Variants in ERCC8 observed in about 807,000 individuals in gnomAD.
ERCC8 encodes the protein ERCC excision repair 8, CSA ubiquitin ligase complex subunit, also known as DNA excision repair protein ERCC-8.
Under a neutral mutation model 54.9 loss-of-function variants are expected in ERCC8, and 52 were observed. The ratio of observed to expected loss-of-function variants is 0.95; its 90% CI spans 0.76 to 1.19. The LOEUF (loss-of-function observed/expected upper bound fraction) is 1.19. Among genes scored for constraint, ERCC8 ranks in the 50% most tolerant of loss-of-function variants. The probability of loss-of-function intolerance (pLI) is 0.00; values close to 1 mark genes in which losing one functional copy is unlikely to be tolerated. For synonymous variants in ERCC8, 146 were observed against 157.2 expected (o/e 0.93, Z 0.53); for missense variants, 514 against 466.1 (o/e 1.10, Z -0.95).
chr5:60,932,905 G>A (rs1226364548), intron 1 of ERCC8, among the ~76,000 whole-genome samples: 1 of 152,114 alleles, frequency 6.6e-6, no homozygotes, highest in East Asian at 1.9e-4. Context: ...AGAAGAGCCT[G>A]GGGTAGAAGG....
chr5:60,935,892 T>C (rs1283988225), intron 1 of ERCC8, among the ~76,000 whole-genome samples: 1 of 152,214 alleles, frequency 6.6e-6, no homozygotes, highest in Non-Finnish European at 1.5e-5. Context: ...TGAAACCCAC[T>C]TGATCATGGT....
At chr5:60,910,525 C>T (rs1749226427) in intron 4 of ERCC8, among the ~76,000 whole-genome samples, 1 of 152,112 alleles carries the variant, frequency 6.6e-6, no homozygotes, top group African/African-American at 2.4e-5. Flanking sequence ...TGGAATACCC[C>T]ACATTTATTT....
chr5:60,918,702 T>C (rs1399141171), intron 3 of ERCC8: 1 of 354,498 alleles, frequency 2.8e-6, no homozygotes, highest in African/African-American at 2.1e-5. Flanking sequence ...AAGAGTGATT[T>C]GGTCTTACTG....
rs746863787 is a variant in ERCC8 at position 60,874,683 on chromosome 5, T to C, written c.1123A>G (p.Thr375Ala). 6.3e-7 allele frequency: 1 copy of C among 1,597,206 alleles called. No individual in the cohort carries two copies. The highest frequency in any genetic ancestry group is 1.2e-5 in the South Asian group (1 of 86,700). The change falls in exon 12 of 12, where the codon ACT (threonine) becomes GCT (alanine). Residue 375 changes from threonine to alanine, a missense_variant and splice_region_variant. Physicochemically the swap from Thr to Ala is moderately conservative, Grantham distance 58. Coordinates refer to ENST00000676185, the MANE Select transcript of ERCC8 (RefSeq NM_000082.4). The part of the protein sequence containing the change: ...LYEPVPDDDE[T>A]TTKSQLNPAF... The stretch of plus-strand genomic sequence containing the variant: ...GGATTTAATTGTGATTTTGTTGTAG[T>C]CTAAAAAAAAAAAAGATAAAGAAAA...
chr5:60,905,490 T>C (rs1270786902), intron 4 of ERCC8, among the ~76,000 whole-genome samples: 1 of 152,180 alleles, frequency 6.6e-6, no homozygotes, highest in African/African-American at 2.4e-5. Flanking sequence ...CTTCCACTTG[T>C]CAAGACTTCA....
At chr5:60,879,613 C>T (rs1414740010) in intron 11 of ERCC8, among the ~76,000 whole-genome samples, 1 of 152,208 alleles carries the variant, frequency 6.6e-6, no homozygotes, top group Non-Finnish European at 1.5e-5. Context: ...GATCCCTTTA[C>T]CATTATGTAA....
At chr5:60,893,309 T>G in intron 9 of ERCC8, 1 of 900,912 alleles carries the variant, frequency 1.1e-6, no homozygotes, top group Non-Finnish European at 1.9e-6. Flanking sequence ...ACACTGAAAC[T>G]CCTCCTGGCG....
intron 9 of ERCC8, among the ~76,000 whole-genome samples, chr5:60,895,169 C>CA (rs5868257): frequency 0.027 from 2,490 of 90,552 alleles, 83 homozygotes; most frequent in African/African-American, 0.084. Flanking sequence ...GACTCTACCT[C>CA]AAAAAAAAAA....
At chr5:60,942,069 T>A (rs964847150) in intron 1 of ERCC8, among the ~76,000 whole-genome samples, 2 of 152,200 alleles carry the variant, frequency 1.3e-5, no homozygotes, top group East Asian at 3.8e-4. Context: ...AAGTATTTTA[T>A]AATTCCTAGA....
intron 9 of ERCC8, among the ~76,000 whole-genome samples, chr5:60,894,952 C>G (rs534206877): frequency 1.1e-4 from 16 of 152,028 alleles, no homozygotes; most frequent in Non-Finnish European, 1.8e-4. Context: ...AGGCGGATCA[C>G]AAGATCAGGA....
At chr5:60,942,766 C>T (rs1270510153) in intron 1 of ERCC8, among the ~76,000 whole-genome samples, 1 of 152,022 alleles carries the variant, frequency 6.6e-6, no homozygotes, top group Non-Finnish European at 1.5e-5. Flanking sequence ...ATTGTATATT[C>T]TCATTTAATG....
At chr5:60,904,676 ATATATAT>A (rs1266955539) in intron 5 of ERCC8, 109 bp downstream of exon 5, 8 of 186,208 alleles carry the variant, frequency 4.3e-5, no homozygotes, top group African/African-American at 9.1e-5. Context: ...ATATATATAT[ATATATAT>A]AAAATTGTGA....
chr5:60,903,558 G>A, intron 6 of ERCC8, 90 bp downstream of exon 6: 1 of 1,579,392 alleles, frequency 6.3e-7, no homozygotes, highest in Non-Finnish European at 8.6e-7. Context: ...CATTAGTCAT[G>A]TCACTTACAA....
chr5:60,938,886 C>A (rs1018394762), intron 1 of ERCC8, among the ~76,000 whole-genome samples: 3 of 152,158 alleles, frequency 2.0e-5, no homozygotes, highest in Non-Finnish European at 4.4e-5. Context: ...GTAGTGATGT[C>A]CACATTTTGT....
intron 2 of ERCC8, 40 bp from the exon 3 acceptor site, chr5:60,922,195 TATTA>T (rs1749620533): frequency 7.7e-7 from 1 of 1,302,492 alleles, no homozygotes. Context: ...TCATTTTATT[TATTA>T]TTTAGTCCAT....
chr5:60,892,145 T>TA, intron 9 of ERCC8: 1 of 511,336 alleles, frequency 2.0e-6, no homozygotes, highest in East Asian at 5.0e-5. Flanking sequence ...TTACTGTTTT[T>TA]TTTTAGGGTG....
intron 1 of ERCC8, among the ~76,000 whole-genome samples, chr5:60,934,789 C>T (rs1750016448): frequency 6.6e-6 from 1 of 152,208 alleles, no homozygotes. Context: ...TGTGGCTTGC[C>T]AATTGTCCCA....
intron 11 of ERCC8, among the ~76,000 whole-genome samples, chr5:60,876,305 G>C: frequency 6.6e-6 from 1 of 152,178 alleles, no homozygotes; most frequent in Middle Eastern, 3.2e-3. Context: ...TTGGTTCCAA[G>C]TCTTTCCTGT....
intron 3 of ERCC8, among the ~76,000 whole-genome samples, chr5:60,920,665 C>T (rs532295007): frequency 6.6e-6 from 1 of 151,940 alleles, no homozygotes; most frequent in Admixed American, 6.6e-5. Context: ...AAGATGCATA[C>T]TATATGTCCA....
Sources: allele counts gnomAD v4.1 joint callset (sites outside exome capture counted in the v4.1 genomes callset), GRCh38; gene constraint gnomAD v4.1.1; transcripts MANE v1.5; gene names NCBI Gene and HGNC (gene_info 2026-07-23, HGNC 2026-07-21).